The following PLD5 variants were observed in gnomAD, a reference collection of about 807,000 sequenced individuals.
PLD5 encodes the protein phospholipase D family member 5, also known as inactive phospholipase D5.
A neutral mutation model predicts 61.1 loss-of-function variants in PLD5; 36 were observed. The observed-to-expected ratio is 0.59, with a 90% CI of 0.45 to 0.78. PLD5 has a LOEUF of 0.78. PLD5 is among the 30% of genes least tolerant of loss of function. PLD5 has a pLI of 0.00. For synonymous variants in PLD5, 243 were observed against 242.8 expected, an observed-to-expected ratio of 1.00 and a Z score of -0.01; for missense variants, 515 against 644.4, an observed-to-expected ratio of 0.80 and a Z score of 2.17.
chr1:242,479,188 G>A (rs1471455107), intron 1 of PLD5, among the ~76,000 whole-genome samples: 1 of 152,178 alleles, frequency 6.6e-6, no homozygotes, highest in Non-Finnish European at 1.5e-5. Context: ...GGCAGCACAG[G>A]AAATGAGGTA....
Position 242,348,971 on chromosome 1 carries a change from T to G in PLD5, c.190-729A>C, listed in dbSNP as rs548553112. 5.1e-4 allele frequency among the ~76,000 whole-genome samples: 77 copies of G among 152,250 alleles called. No homozygotes were observed. The East Asian group carries it at 0.012, about 24-fold the overall frequency. ...CTGGAGGCTGAGGCAGGAGAATGGC[T>G]TGAACCTGGGAGGCGGAGCTTGCAG... On this transcript the variant is annotated intron_variant, in intron 1 of 9. Coordinates refer to ENST00000536534, the MANE Select transcript of PLD5 (RefSeq NM_001372062.1).
chr1:242,324,728 T>A (rs532897466), intron 2 of PLD5, among the ~76,000 whole-genome samples: 50 of 152,282 alleles, frequency 3.3e-4, no homozygotes, highest in African/African-American at 1.2e-3. Flanking sequence ...TAGATAATAT[T>A]ACTACTATAA....
At chr1:242,406,866 T>C (rs530823270) in intron 1 of PLD5, among the ~76,000 whole-genome samples, 2 of 152,350 alleles carry the variant, frequency 1.3e-5, no homozygotes, top group Non-Finnish European at 2.9e-5. Flanking sequence ...TAGTAGACTA[T>C]AAGAGGACTT....
Position 242,124,495 on chromosome 1 carries a change from A to C in PLD5, c.906T>G (p.Asn302Lys). The C allele has an allele frequency of 6.2e-7, 1 of 1,614,078 alleles. No homozygotes were observed. Among genetic ancestry groups the C allele is most frequent in the African/African-American group, 1.3e-5 (1 of 75,070 alleles). Residue 302 changes from asparagine (N) to lysine (K), a missense_variant, in exon 6 of 10, where the codon AAT becomes AAG. Asn to Lys is a moderately conservative substitution (Grantham distance 94, BLOSUM62 0). Transcript: ENST00000536534. The part of the protein sequence containing the change: ...DNEKKLQLQL[N>K]ETKSQAFVSN... ...ATACAAATGCTTGAGATTTGGTTTC[A>C]TTCAACTGAAGTTGCAATTTCTTTT...
chr1:242,148,835 T>C (rs1163567114), intron 5 of PLD5, among the ~76,000 whole-genome samples: 1 of 151,966 alleles, frequency 6.6e-6, no homozygotes, highest in African/African-American at 2.4e-5. Context: ...ATAACATTTC[T>C]ACATACAGAA....
chr1:242,099,501 C>G (rs890472975), intron 9 of PLD5, among the ~76,000 whole-genome samples: 2 of 152,192 alleles, frequency 1.3e-5, no homozygotes, highest in African/African-American at 4.8e-5. Flanking sequence ...TACGTTTACA[C>G]TGAGTCTGGG....
chr1:242,344,406 A>G (rs1172267453), intron 2 of PLD5, among the ~76,000 whole-genome samples: 1 of 152,152 alleles, frequency 6.6e-6, no homozygotes, highest in East Asian at 1.9e-4. Context: ...AGCTCTAACT[A>G]AATAGCCTCT....
chr1:242,335,487 T>C (rs1433340466), intron 2 of PLD5, among the ~76,000 whole-genome samples: 1 of 152,146 alleles, frequency 6.6e-6, no homozygotes, highest in Non-Finnish European at 1.5e-5. Flanking sequence ...GGAGACTAAA[T>C]AATGTGAAAA....
intron 5 of PLD5, among the ~76,000 whole-genome samples, chr1:242,170,901 C>T (rs1288389858): frequency 1.3e-5 from 2 of 150,678 alleles, no homozygotes; most frequent in African/African-American, 4.9e-5. Flanking sequence ...GTGAAAAGAC[C>T]AAATCTACAC....
rs1339115920 is a variant in PLD5, at chr1:242,266,983, G to C, written c.496-1535C>G. 8.5e-5 allele frequency among the ~76,000 whole-genome samples: 13 copies of C among 152,076 alleles called. No homozygotes were observed. In the East Asian group the frequency reaches 2.3e-3, roughly 27 times the overall value. ...AATACAAAAATCAGCTGGGCATGGT[G>C]GTGGGTGCCTGTAATCCCAGCTACC... is the stretch of plus-strand genomic sequence containing the variant. On this transcript the variant is annotated intron_variant, in intron 3 of 9. Transcript: ENST00000536534.
intron 4 of PLD5, among the ~76,000 whole-genome samples, chr1:242,226,578 A>G (rs1351764299): frequency 2.0e-5 from 3 of 152,254 alleles, no homozygotes; most frequent in African/African-American, 7.2e-5. Flanking sequence ...GTTCAGAACT[A>G]GAAATGTTAA....
At chr1:242,377,309 A>C in intron 1 of PLD5, 2 of 1,607,504 alleles carry the variant, frequency 1.2e-6, no homozygotes, top group Non-Finnish European at 1.7e-6. Context: ...CACACTTGTG[A>C]ACCTTAAAAT....
In PLD5 at chr1:242,100,632, C is replaced by A. The variant is rs779928483; in HGVS notation, c.1354+36G>T. ...AGCTGGACTACCACTCCCTGGGTGA[C>A]CCCCACCCAAGGAGCTTCACAGCCC... On this transcript the variant is annotated intron_variant, in intron 9 of 9. Coordinates refer to ENST00000536534, the MANE Select transcript of PLD5 (RefSeq NM_001372062.1). The A allele has an allele frequency of 6.7e-6, 10 of 1,487,844 alleles. No individual in the cohort carries two copies. The African/African-American group carries it at 6.9e-5, about 10-fold the overall frequency. The allele number at this position is 1,487,844 out of a possible 1,614,324, so 92.2% of individuals were successfully genotyped here.
At chr1:242,257,038 TTCTATCTATCTATCTATCTA>T (rs35243238) in intron 4 of PLD5, among the ~76,000 whole-genome samples, 3 of 142,292 alleles carry the variant, frequency 2.1e-5, no homozygotes, top group African/African-American at 5.3e-5. Context: ...CCTACCTACC[TTCTATCTATCTATCTATCTA>T]TCTATCTATC....
At chr1:242,234,822 G>A (rs1029001748) in intron 4 of PLD5, among the ~76,000 whole-genome samples, 1 of 152,096 alleles carries the variant, frequency 6.6e-6, no homozygotes, top group Admixed American at 6.5e-5. Flanking sequence ...AGTGCAGTAG[G>A]AGGGAGGGAG....
intron 1 of PLD5, among the ~76,000 whole-genome samples, chr1:242,394,997 G>GAATATATAAA (rs1216366344): frequency 6.9e-5 from 4 of 57,868 alleles, no homozygotes; most frequent in African/African-American, 3.2e-4. Context: ...GAATATATAT[G>GAATATATAAA]TATATATGAA....
intron 4 of PLD5, among the ~76,000 whole-genome samples, chr1:242,242,623 C>A (rs972117986): frequency 5.9e-5 from 9 of 152,270 alleles, no homozygotes; most frequent in Admixed American, 5.9e-4. Context: ...CACATAATTC[C>A]ACTTTTCTGT....
Position 242,342,123 on chromosome 1 carries a change from T to G in PLD5, c.326+5983A>C, listed in dbSNP as rs556768046. The stretch of plus-strand genomic sequence containing the variant: ...GCAGAAATTAATTTCCATATTGTCA[T>G]GAGGATTGGGCCTGAAGTCAGGGAG... On this transcript the variant is annotated intron_variant, in intron 2 of 9. Transcript: ENST00000536534. Among the ~76,000 whole-genome samples, 3 of 152,304 alleles carry G rather than the reference T, an allele frequency of 2.0e-5. No individual in the cohort carries two copies. The East Asian group carries it at 5.8e-4, about 29-fold the overall frequency.
intron 1 of PLD5, among the ~76,000 whole-genome samples, chr1:242,520,396 G>C (rs1558166196): frequency 6.6e-6 from 1 of 152,148 alleles, no homozygotes; most frequent in Non-Finnish European, 1.5e-5. Flanking sequence ...GGATTGTCTT[G>C]TTTCATCATG....
Sources: allele counts gnomAD v4.1 joint callset (sites outside exome capture counted in the v4.1 genomes callset), GRCh38; gene constraint gnomAD v4.1.1; transcripts MANE v1.5; gene names NCBI Gene and HGNC (gene_info 2026-07-23, HGNC 2026-07-21).